The following BCAS3 variants were observed in gnomAD, a reference collection of about 807,000 sequenced individuals.
The protein encoded by BCAS3 is BCAS3 microtubule associated cell migration factor.
A neutral mutation model predicts 116.1 loss-of-function variants in BCAS3; 53 were observed. That is an observed-to-expected ratio of 0.46 (90% confidence interval 0.37 to 0.57). The LOEUF is 0.57. Among genes scored for constraint, BCAS3 ranks in the 20% least tolerant of loss-of-function variants. The pLI is 0.00. For missense variants in BCAS3, 917 were observed against 1,165.4 expected (o/e 0.79, Z 3.10); for synonymous variants, 391 against 408.2 (o/e 0.96, Z 0.51).
intron 13 of BCAS3, among the ~76,000 whole-genome samples, chr17:60,930,522 T>C (rs1399048896): frequency 6.6e-6 from 1 of 151,850 alleles, no homozygotes; most frequent in Non-Finnish European, 1.5e-5. Flanking sequence ...AGTAGTGTGA[T>C]CTCGGCTCAC....
intron 22 of BCAS3, among the ~76,000 whole-genome samples, chr17:61,159,667 T>C (rs1192502765): frequency 6.6e-6 from 1 of 152,226 alleles, no homozygotes. Flanking sequence ...TTCAGAGGCC[T>C]GGAGAGGCAG....
chr17:61,033,921 A>G (rs1199382831), intron 16 of BCAS3, among the ~76,000 whole-genome samples: 2 of 152,246 alleles, frequency 1.3e-5, no homozygotes, highest in African/African-American at 4.8e-5. Context: ...AATGGCAGTT[A>G]CTAAATGTGT....
In BCAS3 at chr17:61,316,282, G is replaced by A. The variant is rs867967706; in HGVS notation, c.2426-52045G>A. On this transcript the variant is annotated intron_variant, in intron 22 of 23. Coordinates refer to ENST00000407086, the MANE Select transcript of BCAS3 (RefSeq NM_017679.5). This position sits in a 1 kb window ranked among gnomAD's most constrained non-coding sequence, Gnocchi z 5.8. ...GATCACGCCACTGCACTCCAGCCTGGGTGATAGAGTGAGACTCCATCTCAA... is the reference window on the plus strand; with the variant it reads ...GATCACGCCACTGCACTCCAGCCTGAGTGATAGAGTGAGACTCCATCTCAA... Among the ~76,000 whole-genome samples the A allele has an allele frequency of 6.6e-6, 1 of 152,024 alleles. No individual in the cohort carries two copies. Among genetic ancestry groups the A allele is most frequent in the African/African-American group, 2.4e-5 (1 of 41,390 alleles).
Position 61,380,311 on chromosome 17 carries a change from T to C in BCAS3, c.2594-11666T>C, listed in dbSNP as rs1322488967. ...GGAGGAGGGAGAGAGGGAAGGATGATACCAGTTTAGGCTAGTGAGAAATCT... is the reference window on the plus strand; with the variant it reads ...GGAGGAGGGAGAGAGGGAAGGATGACACCAGTTTAGGCTAGTGAGAAATCT... On this transcript the variant is annotated intron_variant, in intron 23 of 23. Coordinates refer to ENST00000407086, the MANE Select transcript of BCAS3 (RefSeq NM_017679.5). This position sits in a 1 kb window ranked among gnomAD's most constrained non-coding sequence, Gnocchi z 4.2. The C allele has an allele frequency of 5.0e-6, 3 of 605,926 alleles. No individual in the cohort carries two copies. Among genetic ancestry groups the C allele is most frequent in the South Asian group, 1.9e-5 (1 of 51,986 alleles). 37.5% of individuals were successfully genotyped at this position (605,926 alleles called of 1,614,324 possible).
rs1336543660 is a variant in BCAS3 at position 61,017,370 on chromosome 17, CTT to C, written c.1637+1470_1637+1471del. 1.3e-5 allele frequency among the ~76,000 whole-genome samples: 2 copies of C among 152,078 alleles called. No homozygotes were observed. Among genetic ancestry groups the C allele is most frequent in the Non-Finnish European group, 2.9e-5 (2 of 67,994 alleles). ...GTTAGTCAGTACATAATTGTATCATCTTGATTCACTCCAGCATTGTACAATTC... is the reference window on the plus strand; with the variant it reads ...GTTAGTCAGTACATAATTGTATCATCGATTCACTCCAGCATTGTACAATTC... On this transcript the variant is annotated intron_variant, in intron 16 of 23. Coordinates refer to ENST00000407086, the MANE Select transcript of BCAS3 (RefSeq NM_017679.5). This position sits in a 1 kb window ranked among gnomAD's most constrained non-coding sequence, Gnocchi z 4.7.
intron 22 of BCAS3, among the ~76,000 whole-genome samples, chr17:61,206,909 T>G (rs557012722): frequency 5.5e-4 from 82 of 150,212 alleles, no homozygotes; most frequent in Non-Finnish European, 9.6e-4. Context: ...TTGTTGTTTG[T>G]TTTTTGGTTT....
chr17:60,699,036 T>C (rs2036025031), intron 4 of BCAS3, among the ~76,000 whole-genome samples: 1 of 152,040 alleles, frequency 6.6e-6, no homozygotes, highest in African/African-American at 2.4e-5. Flanking sequence ...CTAACCTTAG[T>C]GACAGAGCGA....
At chr17:61,374,895 A>G (rs2059257078) in intron 23 of BCAS3, among the ~76,000 whole-genome samples, 1 of 152,236 alleles carries the variant, frequency 6.6e-6, no homozygotes, top group African/African-American at 2.4e-5. Context: ...TGATTTCACA[A>G]TACATTGGTG....
Position 61,300,697 on chromosome 17 carries a change from G to T in BCAS3, c.2426-67630G>T, listed in dbSNP as rs964500895. Among the ~76,000 whole-genome samples the T allele has an allele frequency of 6.6e-6, 1 of 152,182 alleles. No individual in the cohort carries two copies. Among genetic ancestry groups the T allele is most frequent in the African/African-American group, 2.4e-5 (1 of 41,440 alleles). On this transcript the variant is annotated intron_variant, in intron 22 of 23. Transcript: ENST00000407086. The surrounding 1 kb of genome is among the most constrained non-coding windows in gnomAD (Gnocchi z 5.1). Reference sequence around the variant, plus strand: ...CTGCATTAGCTGAAAATAGGGAAAAGAATACCTTTTTTTCCCTCATCACCT... The same window carrying T: ...CTGCATTAGCTGAAAATAGGGAAAATAATACCTTTTTTTCCCTCATCACCT...
At chr17:61,264,424 T>A (rs891796283) in intron 22 of BCAS3, among the ~76,000 whole-genome samples, 1 of 151,786 alleles carries the variant, frequency 6.6e-6, no homozygotes, top group African/African-American at 2.4e-5. Context: ...TTTTTTTTTT[T>A]TAGAGAGAGA....
chr17:61,019,360 G>C lies in BCAS3; in HGVS notation c.1637+3459G>C, dbSNP rs1053411494. 6.6e-6 allele frequency among the ~76,000 whole-genome samples: 1 copy of C among 152,100 alleles called. No individual in the cohort carries two copies. Among genetic ancestry groups the C allele is most frequent in the African/African-American group, 2.4e-5 (1 of 41,422 alleles). ...CCTGGTGCCAAAAAGGTTGGGGATC[G>C]CTCCTTAAGCCACTCTCTGAAGAGT... On this transcript the variant is annotated intron_variant, in intron 16 of 23. Coordinates refer to ENST00000407086, the MANE Select transcript of BCAS3 (RefSeq NM_017679.5). The surrounding 1 kb of genome is among the most constrained non-coding windows in gnomAD (Gnocchi z 5.6).
At position 61,084,066 on chromosome 17, in the gene BCAS3, C is replaced by T. The variant is rs2072880940; in HGVS notation, c.2328-401C>T. 6.6e-6 allele frequency among the ~76,000 whole-genome samples: 1 copy of T among 152,108 alleles called. No homozygotes were observed. ...TGCCTTTTATGGAACACATTAATAG[C>T]TATGGTGATATTAGTGAATTTCAGG... On this transcript the variant is annotated intron_variant, in intron 21 of 23. Transcript: ENST00000407086. The surrounding 1 kb of genome is among the most constrained non-coding windows in gnomAD (Gnocchi z 5.5).
rs79389811 is a variant in BCAS3, at chr17:61,352,210, T to TAG, written c.2426-16117_2426-16116insAG. ...GTCCAGCTGACGTAGTAACAAGAGGTCTCTGGGCCCCTCCTGGGAGCCCCT... is the reference window on the plus strand; with the variant it reads ...GTCCAGCTGACGTAGTAACAAGAGGTAGCTCTGGGCCCCTCCTGGGAGCCCCT... On this transcript the variant is annotated intron_variant, in intron 22 of 23. Coordinates refer to ENST00000407086, the MANE Select transcript of BCAS3 (RefSeq NM_017679.5). The surrounding 1 kb of genome is among the most constrained non-coding windows in gnomAD (Gnocchi z 4.7). 0.33 allele frequency among the ~76,000 whole-genome samples: 49,430 copies of TAG among 151,968 alleles called. 8,735 individuals are homozygous for TAG. The highest frequency in any genetic ancestry group is 0.7 in the East Asian group (3,592 of 5,132).
Position 61,226,618 on chromosome 17 carries a change from C to T in BCAS3, c.2426-141709C>T, listed in dbSNP as rs1167536420. Among the ~76,000 whole-genome samples the T allele has an allele frequency of 1.3e-5, 2 of 152,108 alleles. No individual in the cohort carries two copies. The highest frequency in any genetic ancestry group is 2.4e-5 in the African/African-American group (1 of 41,424). On this transcript the variant is annotated intron_variant, in intron 22 of 23. Transcript: ENST00000407086. The surrounding 1 kb of genome is among the most constrained non-coding windows in gnomAD (Gnocchi z 6.0). ...AGGGTTAGAATTTTTTCAGGGTGATCTTTTTTGTTCAGATGCAAAATAGCT... is the reference window on the plus strand; with the variant it reads ...AGGGTTAGAATTTTTTCAGGGTGATTTTTTTTGTTCAGATGCAAAATAGCT...
At chr17:61,054,643 G>A (rs764135522) in intron 19 of BCAS3, among the ~76,000 whole-genome samples, 4 of 152,140 alleles carry the variant, frequency 2.6e-5, no homozygotes, top group Non-Finnish European at 5.9e-5. Context: ...TGTAGTGCTT[G>A]GACTACAGGC....
At chr17:61,002,780 C>T (rs1426106862) in intron 15 of BCAS3, 1 of 151,918 alleles carries the variant, frequency 6.6e-6, no homozygotes, top group Non-Finnish European at 1.5e-5. Context: ...TGTTGCTATT[C>T]AGGGACTTGT....
chr17:61,111,277 C>T (rs1242672933), intron 22 of BCAS3, among the ~76,000 whole-genome samples: 1 of 151,934 alleles, frequency 6.6e-6, no homozygotes, highest in Non-Finnish European at 1.5e-5. Flanking sequence ...TTCAGACGAT[C>T]GAATTACTCT....
chr17:61,187,433 T>A (rs1202237165), intron 22 of BCAS3, among the ~76,000 whole-genome samples: 1 of 152,254 alleles, frequency 6.6e-6, no homozygotes, highest in Admixed American at 6.5e-5. Context: ...CCAACAGAGT[T>A]ACCCATGTTG....
At chr17:60,810,795 G>T (rs2048736605) in intron 7 of BCAS3, 2 of 666,218 alleles carry the variant, frequency 3.0e-6, no homozygotes, top group African/African-American at 1.8e-5. Flanking sequence ...AGGAGGAGCT[G>T]CTCTTCCTGA....
Sources: gnomAD v4.1 joint callset for allele counts (sites outside exome capture counted in the v4.1 genomes callset) on GRCh38, gnomAD v4.1.1 for gene constraint, Gnocchi (gnomAD v3.1) non-coding constraint, MANE v1.5 for transcripts, NCBI Gene and HGNC (gene_info 2026-07-23, HGNC 2026-07-21) for gene names.